Variants in VOPP1 observed in about 807,000 individuals in gnomAD.
VOPP1 encodes WW domain binding protein VOPP1.
VOPP1 carries 8 observed loss-of-function variants against 23.5 expected under a neutral mutation model. That is an observed-to-expected ratio of 0.34 (90% CI 0.20 to 0.61). The LOEUF (loss-of-function observed/expected upper bound fraction) is 0.61, where lower values mean the gene tolerates loss of function less well. VOPP1 is among the 20% of genes least tolerant of loss of function. The probability of loss-of-function intolerance (pLI) is 0.78; values close to 1 mark genes in which losing one functional copy is unlikely to be tolerated. For synonymous variants in VOPP1, 83 were observed against 97.3 expected (o/e 0.85, Z 0.86); for missense variants, 174 against 238.1 (o/e 0.73, Z 1.77).
At chr7:55,505,942 G>A (rs896199354) in intron 2 of VOPP1, among the ~76,000 whole-genome samples, 3 of 152,222 alleles carry the variant, frequency 2.0e-5, no homozygotes, top group Non-Finnish European at 4.4e-5. Context: ...ACAGGACAGT[G>A]TCAGATCACT....
chr7:55,525,361 C>A (rs529076104), intron 1 of VOPP1, among the ~76,000 whole-genome samples: 1 of 151,950 alleles, frequency 6.6e-6, no homozygotes, highest in Non-Finnish European at 1.5e-5. Context: ...TGGTGGTGGG[C>A]GCCTGTAGTC....
intron 1 of VOPP1, chr7:55,537,606 G>A (rs893565602): frequency 1.8e-5 from 28 of 1,535,374 alleles, no homozygotes; most frequent in South Asian, 2.4e-5. Flanking sequence ...TGGGTCACAC[G>A]CAGCCCTCCA....
chr7:55,445,284 C>T (rs1207462630), intron 4 of VOPP1, among the ~76,000 whole-genome samples: 1 of 151,740 alleles, frequency 6.6e-6, no homozygotes, highest in Non-Finnish European at 1.5e-5. Context: ...CACAGACACA[C>T]ACACACACAG....
At chr7:55,467,934 A>G (rs1791672395), downstream of VOPP1, among the ~76,000 whole-genome samples, 1 of 152,260 alleles carries the variant, frequency 6.6e-6, no homozygotes, top group Non-Finnish European at 1.5e-5. Context: ...CTTTTTCAGA[A>G]TACGTACTGA....
rs79291132 is a variant in VOPP1, at chr7:55,525,903, C to T, written c.55-4773G>A. ...GAAAAGTCAGTCTACCCACATTTTG[C>T]GAAGATACTACTACCATGATTTCTT... is the stretch of plus-strand genomic sequence containing the variant. On this transcript the variant is annotated intron_variant, in intron 1 of 4. Transcript: ENST00000285279. Among the ~76,000 whole-genome samples the T allele has an allele frequency of 3.2e-3, 487 of 150,708 alleles. 2 individuals carry two copies. Among genetic ancestry groups the T allele is most frequent in the African/African-American group, 0.011 (443 of 41,054 alleles).
chr7:55,471,867 TG>T lies in VOPP1; in HGVS notation c.*987del, dbSNP rs1328565434. 1 of 152,000 alleles carries T rather than the reference TG, an allele frequency of 6.6e-6. No homozygotes were observed. Among genetic ancestry groups the T allele is most frequent in the African/African-American group, 2.4e-5 (1 of 41,328 alleles). 9.4% of individuals were successfully genotyped at this position (152,000 alleles called of 1,614,324 possible). A position where few individuals can be genotyped will look rare whatever the true frequency, so the allele number is the denominator to read the frequency against. ...AGACGCCTCAGCTGGTCTCTCTCCC[TG>T]GAAGAGTCCATGTGACTTCCCAGCC... On this transcript the variant is annotated 3_prime_UTR_variant, in exon 5 of 5. Coordinates refer to ENST00000285279, the MANE Select transcript of VOPP1 (RefSeq NM_030796.5).
At chr7:55,514,403 C>T (rs536991983) in intron 2 of VOPP1, among the ~76,000 whole-genome samples, 1 of 152,354 alleles carries the variant, frequency 6.6e-6, no homozygotes, top group African/African-American at 2.4e-5. Context: ...ACACTACAAC[C>T]TGATGGCATA....
chr7:55,447,767 C>A (rs139864490), intron 4 of VOPP1, among the ~76,000 whole-genome samples: 1 of 152,144 alleles, frequency 6.6e-6, no homozygotes, highest in Non-Finnish European at 1.5e-5. Flanking sequence ...CTAATCCTCT[C>A]TTCTCTGTGA....
At chr7:55,548,020 C>A (rs73141707) in intron 1 of VOPP1, among the ~76,000 whole-genome samples, 13,924 of 152,240 alleles carry the variant, frequency 0.091, 892 homozygotes, top group East Asian at 0.27. Flanking sequence ...AATACCCCGA[C>A]AGCCACCTAA....
chr7:55,539,737 G>C (rs757329520), intron 1 of VOPP1: 2 of 152,236 alleles, frequency 1.3e-5, no homozygotes, highest in African/African-American at 2.4e-5. Flanking sequence ...TTCCTGCGTG[G>C]ACCTGGGACA....
intron 2 of VOPP1, among the ~76,000 whole-genome samples, chr7:55,513,538 CAG>C (rs564618242): frequency 2.5e-4 from 38 of 152,086 alleles, no homozygotes; most frequent in Non-Finnish European, 4.6e-4. Context: ...AGTGAGCAAA[CAG>C]AACACCCAGA....
intron 1 of VOPP1, among the ~76,000 whole-genome samples, chr7:55,556,062 A>G (rs903193072): frequency 5.3e-5 from 8 of 152,160 alleles, no homozygotes; most frequent in Admixed American, 2.0e-4. Context: ...CTGCTTACCT[A>G]TGAGGGGCCC....
rs1238551684 is a variant in VOPP1, at chr7:55,540,409, A to C, written c.55-19279T>G. ...GAGACTCTGTCTCAAAAATAAATAA[A>C]TAAATAAATAAATAAATAAATAAAT... On this transcript the variant is annotated intron_variant, in intron 1 of 4. Transcript: ENST00000285279. Among the ~76,000 whole-genome samples, 6 of 27,962 alleles carry C rather than the reference A, an allele frequency of 2.1e-4. No homozygotes were observed. The East Asian group carries it at 0.011, about 52-fold the overall frequency. 18.3% of individuals were successfully genotyped at this position (27,962 alleles called of 152,430 possible).
At chr7:55,558,847 T>G (rs897957418) in intron 1 of VOPP1, among the ~76,000 whole-genome samples, 4 of 152,172 alleles carry the variant, frequency 2.6e-5, no homozygotes, top group African/African-American at 9.7e-5. Context: ...AAAGAGCTAT[T>G]TTAGTGTTCT....
At chr7:55,568,330 C>T (rs1798232467) in intron 1 of VOPP1, among the ~76,000 whole-genome samples, 1 of 152,182 alleles carries the variant, frequency 6.6e-6, no homozygotes. Context: ...CCACCCGCCT[C>T]GCCCAAAGTG....
chr7:55,484,995 C>G (rs1326123471), intron 4 of VOPP1, among the ~76,000 whole-genome samples: 1 of 152,226 alleles, frequency 6.6e-6, no homozygotes, highest in East Asian at 1.9e-4. Context: ...CACAACAAAA[C>G]CAGCACTGCT....
Position 55,471,140 on chromosome 7 carries a change from T to C in VOPP1, c.*1715A>G, listed in dbSNP as rs1583829145. On this transcript the variant is annotated 3_prime_UTR_variant, in exon 5 of 5. Transcript: ENST00000285279. Reference sequence around the variant, plus strand: ...AATGACCTGGAGGAAGAGGAGTGTTTGGACCCACGCAGTTGTCTTGGTTGT... The same window carrying C: ...AATGACCTGGAGGAAGAGGAGTGTTCGGACCCACGCAGTTGTCTTGGTTGT... 6.7e-6 allele frequency: 1 copy of C among 148,222 alleles called. No individual in the cohort carries two copies. The highest frequency in any genetic ancestry group is 2.0e-4 in the East Asian group (1 of 5,050). 9.2% of individuals were successfully genotyped at this position (148,222 alleles called of 1,614,324 possible).
chr7:55,482,918 C>A (rs1438494142), intron 4 of VOPP1, among the ~76,000 whole-genome samples: 1 of 152,140 alleles, frequency 6.6e-6, no homozygotes, highest in Non-Finnish European at 1.5e-5. Flanking sequence ...CTTGCTGCTG[C>A]TGATTTTTTA....
intron 4 of VOPP1, among the ~76,000 whole-genome samples, chr7:55,447,492 C>A (rs896514343): frequency 4.6e-5 from 7 of 152,092 alleles, no homozygotes; most frequent in Non-Finnish European, 1.0e-4. Flanking sequence ...GAGAGACTGA[C>A]CCCAGAGTGA....
Sources: gnomAD v4.1 joint callset for allele counts (sites outside exome capture counted in the v4.1 genomes callset) on GRCh38, gnomAD v4.1.1 for gene constraint, MANE v1.5 for transcripts, NCBI Gene and HGNC (gene_info 2026-07-23, HGNC 2026-07-21) for gene names.